FAM149B1: variants seen among roughly 807,000 people sequenced by gnomAD.
FAM149B1 encodes primary cilium assembly protein FAM149B1.
FAM149B1 carries 56 observed loss-of-function variants against 75.3 expected under a neutral mutation model. That is an observed-to-expected ratio of 0.74 (90% CI 0.60 to 0.93). FAM149B1 has a LOEUF of 0.93. FAM149B1 is among the 40% of genes least tolerant of loss of function. FAM149B1 has a pLI of 0.00. For synonymous variants in FAM149B1, 259 were observed against 256.1 expected (o/e 1.01, Z -0.11); for missense variants, 639 against 708.4 (o/e 0.90, Z 1.11).
At chr10:73,172,649 C>T (rs1843762860) in intron 1 of FAM149B1, among the ~76,000 whole-genome samples, 1 of 152,174 alleles carries the variant, frequency 6.6e-6, no homozygotes, top group Admixed American at 6.5e-5. Flanking sequence ...TTACTAGGAA[C>T]ATATATTGAT....
intron 8 of FAM149B1, 165 bp from the exon 9 acceptor site, chr10:73,230,257 G>A (rs1188969020): frequency 5.5e-6 from 3 of 545,226 alleles, no homozygotes; most frequent in Non-Finnish European, 6.6e-6. Context: ...CACATGGACA[G>A]TTGACTTGGG....
chr10:73,182,568 T>C (rs1380163757), intron 3 of FAM149B1, among the ~76,000 whole-genome samples: 2 of 152,196 alleles, frequency 1.3e-5, no homozygotes, highest in East Asian at 3.8e-4. Flanking sequence ...GCTCTTTCCA[T>C]CTCTCTCATC....
intron 7 of FAM149B1, among the ~76,000 whole-genome samples, chr10:73,223,946 A>G (rs977629915): frequency 2.0e-5 from 3 of 152,224 alleles, no homozygotes; most frequent in African/African-American, 7.2e-5. Context: ...CGTACCAGAT[A>G]AAATCTTATT....
chr10:73,207,734 G>C (rs184829158), intron 5 of FAM149B1, among the ~76,000 whole-genome samples: 138 of 152,290 alleles, frequency 9.1e-4, no homozygotes, highest in Middle Eastern at 6.8e-3. Flanking sequence ...GGTTCTAAGA[G>C]TTAATGACTC....
Position 73,241,491 on chromosome 10 carries a change from A to G in FAM149B1, c.*472A>G, listed in dbSNP as rs2043951168. Reference sequence around the variant, plus strand: ...GCTGTTGAAAATCTGACCTCATCAAATAGATGTCATTCCTAAAACTCTCTT... The same window carrying G: ...GCTGTTGAAAATCTGACCTCATCAAGTAGATGTCATTCCTAAAACTCTCTT... On this transcript the variant is annotated 3_prime_UTR_variant, in exon 14 of 14. Coordinates refer to ENST00000242505, the MANE Select transcript of FAM149B1 (RefSeq NM_173348.2). 6.0e-6 allele frequency: 1 copy of G among 167,562 alleles called. No homozygotes were observed. The allele number at this position is 167,562 out of a possible 1,614,324, so 10.4% of individuals were successfully genotyped here. A position where few individuals can be genotyped will look rare whatever the true frequency, so the allele number is the denominator to read the frequency against.
At chr10:73,214,736 C>T (rs2043259245) in intron 7 of FAM149B1, among the ~76,000 whole-genome samples, 3 of 152,168 alleles carry the variant, frequency 2.0e-5, no homozygotes, top group South Asian at 4.1e-4. Context: ...TCCATATGTT[C>T]ATCAGGGATA....
At chr10:73,175,441 G>A (rs1437081105) in intron 2 of FAM149B1, among the ~76,000 whole-genome samples, 1 of 152,004 alleles carries the variant, frequency 6.6e-6, no homozygotes, top group Non-Finnish European at 1.5e-5. Flanking sequence ...AGGCCGAGGT[G>A]CACGGATCAC....
Position 73,169,459 on chromosome 10 carries a change from CT to C in FAM149B1, c.47+1088del, listed in dbSNP as rs11452129. ...CTTTACACTTCCAAAAGGGCCTTCA[CT>C]TTTTTTTTTTTTTTGGAGACAGGGT... On this transcript the variant is annotated intron_variant, in intron 1 of 13. Coordinates refer to ENST00000242505, the MANE Select transcript of FAM149B1 (RefSeq NM_173348.2). 7.2e-3 allele frequency among the ~76,000 whole-genome samples: 1,025 copies of C among 142,530 alleles called. 11 individuals carry two copies. Among genetic ancestry groups the C allele is most frequent in the African/African-American group, 0.017 (664 of 39,002 alleles). 93.5% of individuals were successfully genotyped at this position (142,530 alleles called of 152,430 possible).
intron 13 of FAM149B1, among the ~76,000 whole-genome samples, chr10:73,240,020 G>A (rs1167671198): frequency 6.6e-6 from 1 of 152,156 alleles, no homozygotes; most frequent in Admixed American, 6.5e-5. Context: ...GAACTCCGGG[G>A]CTCAAGGGAT....
At chr10:73,203,643 A>AT (rs200573557) in intron 5 of FAM149B1, among the ~76,000 whole-genome samples, 5,490 of 145,906 alleles carry the variant, frequency 0.038, 111 homozygotes, top group Non-Finnish European at 0.058. Flanking sequence ...TGTGATCATA[A>AT]TTTTTTTTTT....
intron 5 of FAM149B1, among the ~76,000 whole-genome samples, chr10:73,194,766 C>T (rs1451266756): frequency 6.6e-6 from 1 of 151,688 alleles, no homozygotes. Context: ...TCACTGTAAC[C>T]TCCGCCTCCC....
At chr10:73,232,636 C>T (rs1478723407) in intron 9 of FAM149B1, among the ~76,000 whole-genome samples, 1 of 152,220 alleles carries the variant, frequency 6.6e-6, no homozygotes, top group East Asian at 1.9e-4. Context: ...GTCCTTCAGG[C>T]TTGCCTTCAC....
At chr10:73,171,529 A>C (rs1472852888) in intron 1 of FAM149B1, among the ~76,000 whole-genome samples, 1 of 152,166 alleles carries the variant, frequency 6.6e-6, no homozygotes, top group Non-Finnish European at 1.5e-5. Flanking sequence ...TTTCAAACAT[A>C]AACATATAGA....
At chr10:73,180,339 T>C (rs967305607) in intron 3 of FAM149B1, among the ~76,000 whole-genome samples, 1 of 152,148 alleles carries the variant, frequency 6.6e-6, no homozygotes, top group African/African-American at 2.4e-5. Context: ...GTCAGGGTGG[T>C]TGGATGATGG....
At chr10:73,184,474 C>T (rs2042472020) in intron 3 of FAM149B1, among the ~76,000 whole-genome samples, 1 of 151,898 alleles carries the variant, frequency 6.6e-6, no homozygotes. Flanking sequence ...ATCAACCAAC[C>T]TGACCTAACT....
chr10:73,243,666 A>C lies in FAM149B1; in HGVS notation c.*2647A>C. The C allele has an allele frequency of 8.4e-7, 1 of 1,191,646 alleles. No homozygotes were observed. Among genetic ancestry groups the C allele is most frequent in the East Asian group, 2.4e-5 (1 of 41,250 alleles). The allele number at this position is 1,191,646 out of a possible 1,614,324, so 73.8% of individuals were successfully genotyped here. ...GTGAAAATGTCCTACAATTGGTGTT[A>C]ATAATTGTAAAACTTTGTAAATACA... On this transcript the variant is annotated 3_prime_UTR_variant, in exon 14 of 14. Transcript: ENST00000242505.
At chr10:73,239,174 C>G in intron 12 of FAM149B1, 138 bp from the exon 13 acceptor site, 3 of 634,510 alleles carry the variant, frequency 4.7e-6, no homozygotes, top group Non-Finnish European at 5.5e-6. Flanking sequence ...ACCCAGTGCA[C>G]TCAGCTGACT....
chr10:73,235,039 T>C lies in FAM149B1; in HGVS notation c.1476+99T>C, dbSNP rs2043791570. Reference sequence around the variant, plus strand: ...GCCCTGATCTTGATTTATACTGTGTTTTGTCAAAAGTACAAACACAGTGCT... The same window carrying C: ...GCCCTGATCTTGATTTATACTGTGTCTTGTCAAAAGTACAAACACAGTGCT... On this transcript the variant is annotated intron_variant, in intron 11 of 13. Coordinates refer to ENST00000242505, the MANE Select transcript of FAM149B1 (RefSeq NM_173348.2). 4 of 1,492,414 alleles carry C rather than the reference T, an allele frequency of 2.7e-6. No individual in the cohort carries two copies. In the Admixed American group the frequency reaches 8.3e-5, roughly 31 times the overall value. The allele number at this position is 1,492,414 out of a possible 1,614,324, so 92.4% of individuals were successfully genotyped here.
At chr10:73,184,997 G>T (rs1458763277) in intron 3 of FAM149B1, among the ~76,000 whole-genome samples, 3 of 152,126 alleles carry the variant, frequency 2.0e-5, no homozygotes, top group Non-Finnish European at 4.4e-5. Flanking sequence ...TCATTAGTTG[G>T]TTTGATCAAG....
Sources: gnomAD v4.1 joint callset for allele counts (sites outside exome capture counted in the v4.1 genomes callset) on GRCh38, gnomAD v4.1.1 for gene constraint, MANE v1.5 for transcripts, NCBI Gene and HGNC (gene_info 2026-07-23, HGNC 2026-07-21) for gene names.